RPS6KC1: variants seen among roughly 807,000 people sequenced by gnomAD.
RPS6KC1 encodes the protein ribosomal protein S6 kinase C1, also known as inactive ribosomal protein S6 kinase delta-1.
A neutral mutation model predicts 103.8 loss-of-function variants in RPS6KC1; 54 were observed. The observed-to-expected ratio is 0.52, with a 90% CI of 0.42 to 0.65. The LOEUF is 0.65. RPS6KC1 is among the 30% of genes least tolerant of loss of function. The probability of loss-of-function intolerance (pLI) is 0.00; values close to 1 mark genes in which losing one functional copy is unlikely to be tolerated. For missense variants in RPS6KC1, 1,151 were observed against 1,253.8 expected, an observed-to-expected ratio of 0.92 and a Z score of 1.24; for synonymous variants, 439 against 438.7, an observed-to-expected ratio of 1.00 and a Z score of -0.01.
At chr1:213,091,887 T>C (rs1435865613) in intron 3 of RPS6KC1, among the ~76,000 whole-genome samples, 1 of 152,176 alleles carries the variant, frequency 6.6e-6, no homozygotes, top group Non-Finnish European at 1.5e-5. Flanking sequence ...TTCTCAAGGG[T>C]TGAGATTTAA....
the RPS6KC1 span, among the ~76,000 whole-genome samples, chr1:213,861,932 G>T: frequency 1.3e-5 from 2 of 151,866 alleles, no homozygotes; most frequent in African/African-American, 4.8e-5. Context: ...TGCCACCATC[G>T]CCCTCTTTGC....
At chr1:213,470,334 T>C in the RPS6KC1 span, among the ~76,000 whole-genome samples, 1 of 152,200 alleles carries the variant, frequency 6.6e-6, no homozygotes, top group Non-Finnish European at 1.5e-5. Context: ...TTTTTCTGCA[T>C]GCAAAATTAT....
At chr1:213,568,750 A>G in the RPS6KC1 span, among the ~76,000 whole-genome samples, 3 of 152,236 alleles carry the variant, frequency 2.0e-5, no homozygotes, top group South Asian at 6.2e-4. Flanking sequence ...TGATGCCTGC[A>G]TTCAAACCCA....
At chr1:213,499,296 C>T in the RPS6KC1 span, among the ~76,000 whole-genome samples, 2 of 152,278 alleles carry the variant, frequency 1.3e-5, no homozygotes, top group Non-Finnish European at 2.9e-5. Flanking sequence ...TACAGGACTA[C>T]GTTTCTGAGA....
chr1:213,851,541 G>A, the RPS6KC1 span, among the ~76,000 whole-genome samples: 3 of 151,998 alleles, frequency 2.0e-5, no homozygotes, highest in Non-Finnish European at 2.9e-5. Flanking sequence ...ATGACACGTT[G>A]AGCGAGATTG....
the RPS6KC1 span, among the ~76,000 whole-genome samples, chr1:213,591,256 C>T: frequency 1.3e-5 from 2 of 152,234 alleles, no homozygotes; most frequent in African/African-American, 4.8e-5. Flanking sequence ...GCCTTACTAC[C>T]TCCTGAAGGC....
the RPS6KC1 span, among the ~76,000 whole-genome samples, chr1:213,676,971 C>T: frequency 6.6e-6 from 1 of 152,180 alleles, no homozygotes; most frequent in East Asian, 1.9e-4. Flanking sequence ...CAAACAGAGG[C>T]CCTCTGCTGA....
intron 7 of RPS6KC1, 67 bp from the exon 8 acceptor site, chr1:213,176,333 C>A: frequency 2.9e-6 from 3 of 1,030,750 alleles, no homozygotes; most frequent in Non-Finnish European, 4.4e-6. Flanking sequence ...CTGGCATTTG[C>A]TTCAGCAGGC....
At chr1:213,493,335 G>T in the RPS6KC1 span, among the ~76,000 whole-genome samples, 2 of 152,170 alleles carry the variant, frequency 1.3e-5, no homozygotes, top group Non-Finnish European at 2.9e-5. Context: ...TGTGCAAAAA[G>T]AATTTTGGTG....
At chr1:213,376,084 CTGTGTGTGTGTGTGTGTGTG>C in the RPS6KC1 span, among the ~76,000 whole-genome samples, 661 of 140,338 alleles carry the variant, frequency 4.7e-3, 5 homozygotes, top group African/African-American at 0.016. Context: ...CTCGTGACAA[CTGTGTGTGTGTGTGTGTGTG>C]TGTGTGTGTG....
In RPS6KC1 at chr1:213,157,419, G is replaced by A. The variant is rs1572909502; in HGVS notation, c.836-10439G>A. 2.0e-5 allele frequency among the ~76,000 whole-genome samples: 3 copies of A among 152,134 alleles called. No homozygotes were observed. In the South Asian group the frequency reaches 6.2e-4, roughly 32 times the overall value. On this transcript the variant is annotated intron_variant, in intron 6 of 14. Transcript: ENST00000366960. ...AGACGGGGTTTCACCGTGTTAGCCA[G>A]GATGGTCTCGATCTCCTGACCTTGT... is the stretch of plus-strand genomic sequence containing the variant.
chr1:213,665,719 G>GA, the RPS6KC1 span, among the ~76,000 whole-genome samples: 3 of 152,084 alleles, frequency 2.0e-5, no homozygotes, highest in Non-Finnish European at 4.4e-5. Context: ...TGTGAACAAT[G>GA]GTATAGGTAC....
chr1:213,626,184 T>G, the RPS6KC1 span, among the ~76,000 whole-genome samples: 1 of 152,254 alleles, frequency 6.6e-6, no homozygotes, highest in Non-Finnish European at 1.5e-5. Flanking sequence ...TGGCCAGTGA[T>G]GAAGAGCATT....
At chr1:213,405,226 G>A in the RPS6KC1 span, among the ~76,000 whole-genome samples, 23 of 152,344 alleles carry the variant, frequency 1.5e-4, no homozygotes, top group Non-Finnish European at 2.9e-4. Flanking sequence ...CCTCAGGCCC[G>A]GTTGATAGGC....
At chr1:213,627,705 G>C in the RPS6KC1 span, among the ~76,000 whole-genome samples, 1 of 152,174 alleles carries the variant, frequency 6.6e-6, no homozygotes, top group Admixed American at 6.5e-5. Context: ...CATTGGTTCT[G>C]TTTATATGCT....
the RPS6KC1 span, among the ~76,000 whole-genome samples, chr1:213,610,056 A>G: frequency 2.0e-5 from 3 of 152,164 alleles, no homozygotes; most frequent in Non-Finnish European, 4.4e-5. Context: ...ACGGTTTTAC[A>G]TTCTCATCAG....
At chr1:213,471,100 A>G in the RPS6KC1 span, among the ~76,000 whole-genome samples, 12 of 152,132 alleles carry the variant, frequency 7.9e-5, no homozygotes, top group African/African-American at 2.6e-4. Flanking sequence ...GTGTGTGTGT[A>G]TATCATGAGG....
the RPS6KC1 span, chr1:213,794,682 G>A: frequency 6.6e-6 from 1 of 152,194 alleles, no homozygotes; most frequent in Admixed American, 6.5e-5. Context: ...GCTCACCTGT[G>A]TCTGATGAGA....
chr1:213,697,779 G>A, the RPS6KC1 span, among the ~76,000 whole-genome samples: 1 of 152,130 alleles, frequency 6.6e-6, no homozygotes, highest in Admixed American at 6.5e-5. Context: ...TAAGAAATTA[G>A]TGTGTTTCCT....
Sources: gnomAD v4.1 joint callset for allele counts (sites outside exome capture counted in the v4.1 genomes callset) on GRCh38, gnomAD v4.1.1 for gene constraint, MANE v1.5 for transcripts, NCBI Gene and HGNC (gene_info 2026-07-23, HGNC 2026-07-21) for gene names.